Variants in RNF111 observed in about 807,000 individuals in gnomAD.
The protein encoded by RNF111 is ring finger protein 111, also known as E3 ubiquitin-protein ligase Arkadia.
A neutral mutation model predicts 95.1 loss-of-function variants in RNF111; 17 were observed. The ratio of observed to expected loss-of-function variants is 0.18; its 90% confidence interval spans 0.12 to 0.27. RNF111 has a LOEUF of 0.27. RNF111 is among the 10% of genes least tolerant of loss of function. The probability of loss-of-function intolerance (pLI) is 1.00; values close to 1 mark genes in which losing one functional copy is unlikely to be tolerated. For synonymous variants in RNF111, 440 were observed against 414.8 expected (o/e 1.06, Z -0.74); for missense variants, 1,189 against 1,210.4 (o/e 0.98, Z 0.26).
chr15:59,032,110 T>G (rs1035411069), intron 2 of RNF111, among the ~76,000 whole-genome samples: 6 of 152,134 alleles, frequency 3.9e-5, no homozygotes, highest in Non-Finnish European at 8.8e-5. Flanking sequence ...AGCTAATTTT[T>G]GTATTTTTAG....
At chr15:59,049,141 C>A (rs1173053359) in intron 2 of RNF111, among the ~76,000 whole-genome samples, 1 of 152,128 alleles carries the variant, frequency 6.6e-6, no homozygotes, top group African/African-American at 2.4e-5. Flanking sequence ...AGAACTTTTC[C>A]ATCTTCCAAA....
At chr15:59,010,762 A>G (rs760274454) in intron 1 of RNF111, among the ~76,000 whole-genome samples, 1 of 152,046 alleles carries the variant, frequency 6.6e-6, no homozygotes, top group Admixed American at 6.6e-5. Flanking sequence ...GCTTGAAGGT[A>G]ATGGAAAAGT....
At chr15:59,044,725 A>T (rs1237409066) in intron 2 of RNF111, among the ~76,000 whole-genome samples, 1 of 152,204 alleles carries the variant, frequency 6.6e-6, no homozygotes, top group African/African-American at 2.4e-5. Flanking sequence ...TAAAATGAAA[A>T]TAAAGTTGAC....
chr15:58,994,225 G>C (rs965627383), intron 1 of RNF111, among the ~76,000 whole-genome samples: 1 of 151,338 alleles, frequency 6.6e-6, no homozygotes, highest in African/African-American at 2.4e-5. Flanking sequence ...TTTTGGTAGA[G>C]ATGGGGTTTC....
At chr15:59,001,032 G>T (rs1440437928) in intron 1 of RNF111, among the ~76,000 whole-genome samples, 1 of 152,112 alleles carries the variant, frequency 6.6e-6, no homozygotes, top group Admixed American at 6.6e-5. Context: ...TTTAATGTTG[G>T]TATTAACTAC....
At chr15:59,073,123 C>T (rs907270200) in intron 6 of RNF111, among the ~76,000 whole-genome samples, 10 of 151,948 alleles carry the variant, frequency 6.6e-5, no homozygotes, top group African/African-American at 1.7e-4. Context: ...CAGTGAGCCA[C>T]GTTTGTATTA....
At chr15:59,044,538 A>G (rs2041618573) in intron 2 of RNF111, among the ~76,000 whole-genome samples, 1 of 152,084 alleles carries the variant, frequency 6.6e-6, no homozygotes, top group African/African-American at 2.4e-5. Context: ...TGTACTACTC[A>G]TATTCTTTCT....
intron 2 of RNF111, among the ~76,000 whole-genome samples, chr15:59,051,084 A>G (rs1220101580): frequency 6.6e-6 from 1 of 152,212 alleles, no homozygotes; most frequent in Non-Finnish European, 1.5e-5. Flanking sequence ...ACTCTAATTT[A>G]ATACTTATCC....
At chr15:59,053,431 A>C (rs1210736544) in intron 3 of RNF111, among the ~76,000 whole-genome samples, 1 of 152,210 alleles carries the variant, frequency 6.6e-6, no homozygotes, top group African/African-American at 2.4e-5. Flanking sequence ...TTAGAAGTGC[A>C]TTTGCTTATT....
Position 59,066,792 on chromosome 15 carries a change from T to C in RNF111, c.1395T>C (p.Ala465=). The C allele has an allele frequency of 6.2e-7, 1 of 1,614,020 alleles. No homozygotes were observed. The highest frequency in any genetic ancestry group is 8.5e-7 in the Non-Finnish European group (1 of 1,179,936). Residue 465 remains alanine (A), a synonymous_variant, in exon 6 of 14, where the codon GCT becomes GCC. Coordinates refer to ENST00000348370, the MANE Select transcript of RNF111 (RefSeq NM_017610.8). ...ACTCAAGGAGAACTACATCTAGTGC[T>C]GTAACGGAAACTGGCCCTCCTGCAA... ...GDDSRRTTSS[A]VTETGPPAMP...
At chr15:59,018,089 A>G (rs1445603747) in intron 1 of RNF111, among the ~76,000 whole-genome samples, 1 of 152,134 alleles carries the variant, frequency 6.6e-6, no homozygotes, top group Non-Finnish European at 1.5e-5. Flanking sequence ...ACTACTTTCC[A>G]TTAATGCAGC....
In RNF111 at chr15:59,071,511, C is replaced by T. The variant is rs551167251; in HGVS notation, c.1686+4428C>T. Among the ~76,000 whole-genome samples the T allele has an allele frequency of 3.3e-5, 5 of 151,906 alleles. No homozygotes were observed. In the South Asian group the frequency reaches 1.0e-3, roughly 32 times the overall value. On this transcript the variant is annotated intron_variant, in intron 6 of 13. Transcript: ENST00000348370. ...CACCCTGTGCAACATGGTGAAACCC[C>T]GTTTCTAACAAAACGAAACAAAAAA...
At chr15:59,003,229 C>T (rs1274977370) in intron 1 of RNF111, among the ~76,000 whole-genome samples, 2 of 152,312 alleles carry the variant, frequency 1.3e-5, no homozygotes, top group African/African-American at 2.4e-5. Context: ...GATCCTCCCA[C>T]CTCAGCCTCC....
rs1432017915 is a variant in RNF111, at chr15:59,048,588, A to AT, written c.881-3710dup. On this transcript the variant is annotated intron_variant, in intron 2 of 13. Transcript: ENST00000348370. ...CAAAATGTACACTTAAAATCGGTGA[A>AT]TTTTTTTACACTCATTATGTGAAAA... Among the ~76,000 whole-genome samples, 6 of 152,058 alleles carry AT rather than the reference A, an allele frequency of 3.9e-5. No individual in the cohort carries two copies. The East Asian group carries it at 9.6e-4, about 24-fold the overall frequency.
intron 1 of RNF111, among the ~76,000 whole-genome samples, chr15:58,994,785 A>G (rs1430150747): frequency 6.6e-6 from 1 of 152,064 alleles, no homozygotes; most frequent in East Asian, 1.9e-4. Context: ...TCTCTCTTGA[A>G]TCATTTAAAA....
intron 1 of RNF111, among the ~76,000 whole-genome samples, chr15:59,022,430 C>T (rs2040391383): frequency 6.6e-6 from 1 of 152,098 alleles, no homozygotes; most frequent in African/African-American, 2.4e-5. Context: ...CTAGACAGAC[C>T]TCCCAAAAGA....
chr15:59,076,677 T>C (rs569210337), intron 7 of RNF111, among the ~76,000 whole-genome samples: 4 of 152,312 alleles, frequency 2.6e-5, no homozygotes, highest in South Asian at 2.1e-4. Context: ...CTAGGCAACA[T>C]AGTGAGACCC....
chr15:59,037,702 G>A (rs2041248240), intron 2 of RNF111, among the ~76,000 whole-genome samples: 1 of 152,154 alleles, frequency 6.6e-6, no homozygotes, highest in African/African-American at 2.4e-5. Context: ...CGAGCGTGGT[G>A]GCGCATGCCT....
At chr15:59,077,207 T>C (rs1744271168) in intron 7 of RNF111, among the ~76,000 whole-genome samples, 1 of 152,236 alleles carries the variant, frequency 6.6e-6, no homozygotes, top group Non-Finnish European at 1.5e-5. Flanking sequence ...ATGGTATTCA[T>C]TTTTGATTGA....
Sources: gnomAD v4.1 joint callset for allele counts (sites outside exome capture counted in the v4.1 genomes callset) on GRCh38, gnomAD v4.1.1 for gene constraint, MANE v1.5 for transcripts, NCBI Gene and HGNC (gene_info 2026-07-23, HGNC 2026-07-21) for gene names.